NTM: variants seen among roughly 807,000 people sequenced by gnomAD.
NTM encodes IgLON family member 2.
Under a neutral mutation model 42.1 loss-of-function variants are expected in NTM, and 13 were observed. That is an observed-to-expected ratio of 0.31 (90% confidence interval 0.20 to 0.49). NTM has a LOEUF of 0.49. Among genes scored for constraint, NTM ranks in the 20% least tolerant of loss-of-function variants. The probability of loss-of-function intolerance (pLI) is 0.99; values close to 1 mark genes in which losing one functional copy is unlikely to be tolerated. For missense variants in NTM, 373 were observed against 452.8 expected, an observed-to-expected ratio of 0.82 and a Z score of 1.60; for synonymous variants, 187 against 179.2, an observed-to-expected ratio of 1.04 and a Z score of -0.35.
At chr11:132,126,522 G>A (rs988618277) in intron 2 of NTM, among the ~76,000 whole-genome samples, 1 of 152,188 alleles carries the variant, frequency 6.6e-6, no homozygotes, top group African/African-American at 2.4e-5. Context: ...CGGGGACTTC[G>A]CAGCCACCTC....
chr11:131,595,879 C>T (rs1263524342), intron 1 of NTM, among the ~76,000 whole-genome samples: 1 of 152,172 alleles, frequency 6.6e-6, no homozygotes, highest in Non-Finnish European at 1.5e-5. Flanking sequence ...TTCTGTTGAA[C>T]AAAAAGCAGT....
At chr11:132,087,375 A>C (rs115802112) in intron 2 of NTM, among the ~76,000 whole-genome samples, 2,189 of 152,298 alleles carry the variant, frequency 0.014, 65 homozygotes, top group African/African-American at 0.051. Flanking sequence ...AATCAGCAAG[A>C]ATTAGTCATG....
intron 8 of NTM, among the ~76,000 whole-genome samples, chr11:132,334,796 G>T (rs1321655323): frequency 6.6e-6 from 1 of 151,702 alleles, no homozygotes; most frequent in Non-Finnish European, 1.5e-5. Flanking sequence ...AAGGAAGAAG[G>T]CCCAGGACAC....
At chr11:131,594,417 A>G (rs2059639857) in intron 1 of NTM, among the ~76,000 whole-genome samples, 3 of 152,048 alleles carry the variant, frequency 2.0e-5, no homozygotes, top group Admixed American at 2.0e-4. Context: ...TTTTTTTAAG[A>G]CAGGGTCTTG....
At chr11:132,165,050 TCCAGTG>T (rs2075043007) in intron 3 of NTM, among the ~76,000 whole-genome samples, 9 of 152,308 alleles carry the variant, frequency 5.9e-5, no homozygotes, top group African/African-American at 1.9e-4. Context: ...CTACATGCTG[TCCAGTG>T]ACCCACCCAG....
chr11:132,249,479 G>A lies in NTM; in HGVS notation c.526+37332G>A, dbSNP rs11820890. ...TGGACAACATTTTAATCCTGGCTACGTGGGTTGTTTCCTTGTGTGATGCCC... is the reference window on the plus strand; with the variant it reads ...TGGACAACATTTTAATCCTGGCTACATGGGTTGTTTCCTTGTGTGATGCCC... On this transcript the variant is annotated intron_variant, in intron 4 of 8. Coordinates refer to ENST00000683400, the MANE Select transcript of NTM (RefSeq NM_001352005.2). Among the ~76,000 whole-genome samples the A allele has an allele frequency of 9.7e-3, 1,474 of 152,308 alleles. 22 individuals are homozygous for A. Among genetic ancestry groups the A allele is most frequent in the African/African-American group, 0.033 (1,385 of 41,574 alleles).
intron 4 of NTM, among the ~76,000 whole-genome samples, chr11:132,259,117 G>T (rs1041254777): frequency 6.6e-6 from 1 of 152,172 alleles, no homozygotes; most frequent in Non-Finnish European, 1.5e-5. Context: ...GCAGGCTGAT[G>T]ATAGGTAAGA....
intron 2 of NTM, among the ~76,000 whole-genome samples, chr11:132,082,061 TAAAAAA>T (rs11358651): frequency 7.0e-6 from 1 of 143,820 alleles, no homozygotes; most frequent in Non-Finnish European, 1.5e-5. Flanking sequence ...AATTAAAAGA[TAAAAAA>T]AAAAACCCTT....
At chr11:131,417,375 C>T (rs1404857970) in intron 1 of NTM, among the ~76,000 whole-genome samples, 1 of 152,078 alleles carries the variant, frequency 6.6e-6, no homozygotes, top group Non-Finnish European at 1.5e-5. Flanking sequence ...TTTCCTGGCT[C>T]CAGAAAGAAT....
At chr11:132,313,774 C>A (rs1187186326) in intron 6 of NTM, among the ~76,000 whole-genome samples, 1 of 152,112 alleles carries the variant, frequency 6.6e-6, no homozygotes, top group African/African-American at 2.4e-5. Flanking sequence ...CTTCCCCCAA[C>A]TAACTAACTC....
At chr11:131,788,137 A>T (rs762407283) in intron 1 of NTM, among the ~76,000 whole-genome samples, 30 of 152,186 alleles carry the variant, frequency 2.0e-4, no homozygotes, top group Admixed American at 5.2e-4. Context: ...TTAATTCTTG[A>T]TCATATCCAT....
chr11:132,067,859 T>A (rs765848332), intron 2 of NTM, among the ~76,000 whole-genome samples: 1 of 152,230 alleles, frequency 6.6e-6, no homozygotes, highest in Non-Finnish European at 1.5e-5. Context: ...ATTTTCTTTC[T>A]ATGGAATTTT....
intron 3 of NTM, among the ~76,000 whole-genome samples, chr11:132,149,228 T>G (rs1232841101): frequency 2.9e-5 from 1 of 34,032 alleles, no homozygotes; most frequent in Non-Finnish European, 7.0e-5. Context: ...CCATCCTGGA[T>G]TACAAAAAAA....
intron 1 of NTM, among the ~76,000 whole-genome samples, chr11:131,807,050 T>G (rs983564027): frequency 6.6e-6 from 1 of 152,204 alleles, no homozygotes. Context: ...TAGGCTATTC[T>G]TTGGAAGAAA....
chr11:132,307,663 A>G, intron 4 of NTM, 26 bp from the exon 5 acceptor site: 2 of 1,613,002 alleles, frequency 1.2e-6, no homozygotes, highest in Non-Finnish European at 1.7e-6. Flanking sequence ...CTTGTATTTC[A>G]CCACACGTTA....
At chr11:131,542,650 C>T (rs2053431847) in intron 1 of NTM, among the ~76,000 whole-genome samples, 1 of 152,200 alleles carries the variant, frequency 6.6e-6, no homozygotes, top group Non-Finnish European at 1.5e-5. Context: ...GCTCCCTCTA[C>T]TTCTCACAAT....
intron 1 of NTM, among the ~76,000 whole-genome samples, chr11:131,481,475 G>A (rs560421262): frequency 6.6e-6 from 1 of 152,330 alleles, no homozygotes; most frequent in South Asian, 2.1e-4. Flanking sequence ...AGAAGAAGGG[G>A]GAGAACTTCA....
intron 1 of NTM, among the ~76,000 whole-genome samples, chr11:131,690,111 G>GCT (rs1485676079): frequency 1.3e-5 from 2 of 152,124 alleles, no homozygotes; most frequent in Admixed American, 6.5e-5. Flanking sequence ...CTGTCCCTGA[G>GCT]CTCACCTATT....
rs138504162 is a variant in NTM at position 131,922,637 on chromosome 11, C to T, written c.167+10989C>T. On this transcript the variant is annotated intron_variant, in intron 2 of 8. Coordinates refer to ENST00000683400, the MANE Select transcript of NTM (RefSeq NM_001352005.2). ...TTTTTACCATCTCAAGCACTACCTC[C>T]GTGGGCAAAGCCACCACCGTCTCTC... is the stretch of plus-strand genomic sequence containing the variant. Among the ~76,000 whole-genome samples, 206 of 152,264 alleles carry T rather than the reference C, an allele frequency of 1.4e-3. 2 individuals carry two copies. The highest frequency in any genetic ancestry group is 4.7e-3 in the African/African-American group (194 of 41,540).
Sources: gnomAD v4.1 joint callset for allele counts (sites outside exome capture counted in the v4.1 genomes callset) on GRCh38, gnomAD v4.1.1 for gene constraint, MANE v1.5 for transcripts, NCBI Gene and HGNC (gene_info 2026-07-23, HGNC 2026-07-21) for gene names.